HNRNPL: variants seen among roughly 807,000 people sequenced by gnomAD.
The protein encoded by HNRNPL is epididymis secretory sperm binding protein.
HNRNPL carries 12 observed loss-of-function variants against 64.0 expected under a neutral mutation model. The observed-to-expected ratio is 0.19, with a 90% CI of 0.12 to 0.30. The LOEUF (loss-of-function observed/expected upper bound fraction) is 0.30, where lower values mean the gene tolerates loss of function less well. HNRNPL is among the 10% of genes least tolerant of loss of function. The pLI, the probability that HNRNPL is intolerant of heterozygous loss-of-function variation, is 1.00. For missense variants in HNRNPL, 484 were observed against 797.4 expected, an observed-to-expected ratio of 0.61 and a Z score of 4.73; for synonymous variants, 385 against 313.0, an observed-to-expected ratio of 1.23 and a Z score of -2.43.
At chr19:38,850,161 C>T (rs1219526629), upstream of HNRNPL, 2 of 430,784 alleles carry the variant, frequency 4.6e-6, no homozygotes, top group South Asian at 6.3e-5. Flanking sequence ...TGAGACACTC[C>T]TTATAGGTGG....
chr19:38,844,873 G>A (rs1236297176), intron 4 of HNRNPL: 2 of 152,024 alleles, frequency 1.3e-5, no homozygotes, highest in East Asian at 1.9e-4. Flanking sequence ...CACCATGCCT[G>A]GCTATTTTTT....
At chr19:38,839,373 C>G (rs561754568) in intron 8 of HNRNPL, 2 of 251,488 alleles carry the variant, frequency 8.0e-6, no homozygotes, top group Non-Finnish European at 1.6e-5. Context: ...TAAAATACTC[C>G]TTCAGCTGGG....
chr19:38,843,728 A>G (rs1972190475), intron 6 of HNRNPL, 114 bp downstream of exon 6: 1 of 866,802 alleles, frequency 1.2e-6, no homozygotes, highest in Non-Finnish European at 1.9e-6. Context: ...AGGCCCTCCC[A>G]TGTCCATGGG....
At position 38,849,899 on chromosome 19, in the gene HNRNPL, T is replaced by A. The variant is rs562142379; in HGVS notation, c.68A>T (p.Asp23Val). The A allele has an allele frequency of 9.9e-5, 125 of 1,266,116 alleles. No homozygotes were observed. The highest frequency in any genetic ancestry group is 1.3e-4 in the Non-Finnish European group (118 of 905,358). The allele number at this position is 1,266,116 out of a possible 1,614,324, so 78.4% of individuals were successfully genotyped here. A position where few individuals can be genotyped will look rare whatever the true frequency, so the allele number is the denominator to read the frequency against. The change falls in exon 1 of 13, where the codon GAC (aspartate) becomes GTC (valine). Residue 23 changes from aspartate (D) to valine (V), a missense_variant. Transcript: ENST00000221419. ...RRRLEQRQQPDEQRRRSGAMV... is the reference protein window; with the variant it reads ...RRRLEQRQQPVEQRRRSGAMV... ...CGCTCCCGACCGCCTCCGCTGCTCG[T>A]CCGGCTGCTGCCTCTGCTCCAGCCG... is the stretch of plus-strand genomic sequence containing the variant.
At chr19:38,843,469 G>C (rs1972181878) in intron 6 of HNRNPL, 1 of 264,640 alleles carries the variant, frequency 3.8e-6, no homozygotes, top group South Asian at 4.9e-5. Flanking sequence ...CAACAGCGCA[G>C]AACAAGAGGA....
intron 1 of HNRNPL, among the ~76,000 whole-genome samples, chr19:38,848,686 C>G (rs1399354306): frequency 6.6e-6 from 1 of 152,226 alleles, no homozygotes; most frequent in Non-Finnish European, 1.5e-5. Context: ...GTTCTAACTC[C>G]AGCCCTGCCC....
At position 38,836,767 on chromosome 19, in the gene HNRNPL, A is replaced by C; in HGVS notation, c.1725T>G (p.Pro575=). ...TGGAGAAACACAACTTCAGAGTGTA[A>C]GGGTATGGACCATCTGCAAAGGAGA... ...YQMKNPNGPY[P]YTLKLCFSTA... The change falls in exon 13 of 13, where the codon CCT becomes CCG. Residue 575 remains proline, a synonymous_variant. Coordinates refer to ENST00000221419, the MANE Select transcript of HNRNPL (RefSeq NM_001533.3). The C allele has an allele frequency of 6.2e-7, 1 of 1,613,170 alleles. No homozygotes were observed. The highest frequency in any genetic ancestry group is 2.2e-5 in the East Asian group (1 of 44,840).
intron 4 of HNRNPL, 64 bp downstream of exon 4, chr19:38,845,586 G>T (rs893825915): frequency 3.1e-6 from 4 of 1,305,556 alleles, no homozygotes; most frequent in South Asian, 1.2e-5. Context: ...CTCAAAGAAT[G>T]GCCACTGTCA....
chr19:38,848,613 A>T (rs935947706), intron 1 of HNRNPL, among the ~76,000 whole-genome samples: 2 of 152,148 alleles, frequency 1.3e-5, no homozygotes, highest in Admixed American at 1.3e-4. Flanking sequence ...CTATTTCAGG[A>T]GCGATCCACG....
rs761300230 is a variant in HNRNPL at position 38,837,371 on chromosome 19, C to T, written c.1711+13G>A. 15 of 1,606,492 alleles carry T rather than the reference C, an allele frequency of 9.3e-6. No individual in the cohort carries two copies. The Admixed American group carries it at 1.0e-4, about 11-fold the overall frequency. ...TCACCAGGTTGATGCCTGCAGGACA[C>T]ACAGATACTCACTTGGGTTTTTCAT... is the stretch of plus-strand genomic sequence containing the variant. On this transcript the variant is annotated intron_variant, in intron 12 of 12. Transcript: ENST00000221419.
At chr19:38,852,076 A>T (rs1438025468), upstream of HNRNPL, among the ~76,000 whole-genome samples, 3 of 122,730 alleles carry the variant, frequency 2.4e-5, no homozygotes, top group African/African-American at 6.3e-5. Context: ...GCCGGCCCGG[A>T]CGCCCCTCGC....
At chr19:38,849,428 C>T (rs918102845) in intron 1 of HNRNPL, 11 of 386,452 alleles carry the variant, frequency 2.8e-5, no homozygotes, top group Admixed American at 1.8e-4. Flanking sequence ...CCCCCACACG[C>T]CAGCCCGCGG....
intron 1 of HNRNPL, chr19:38,849,390 A>C: frequency 3.2e-6 from 1 of 313,724 alleles, no homozygotes; most frequent in Non-Finnish European, 5.8e-6. Flanking sequence ...GATAAAGGGG[A>C]AAAAAACCGG....
At position 38,845,976 on chromosome 19, in the gene HNRNPL, G is replaced by C; in HGVS notation, c.501C>G (p.His167Gln). 1.2e-6 allele frequency: 2 copies of C among 1,614,136 alleles called. No homozygotes were observed. The highest frequency in any genetic ancestry group is 1.7e-6 in the Non-Finnish European group (2 of 1,179,990). The change falls in exon 3 of 13, where the codon CAC becomes CAG. Residue 167 changes from histidine (H) to glutamine (Q), a missense_variant. This residue lies in a region of HNRNPL where 18 missense variants were observed against 19.0 expected (regional missense o/e 0.95). Transcript: ENST00000221419. The stretch of plus-strand genomic sequence containing the variant: ...TGGTAGAGTAGTTGACAAAAGCTGG[G>C]TGACCAGCAATGTATATTTGGTTGT... ...AADNQIYIAGHPAFVNYSTSQ... is the reference protein window; with the variant it reads ...AADNQIYIAGQPAFVNYSTSQ...
chr19:38,849,582 A>G (rs915213159), intron 1 of HNRNPL, 118 bp downstream of exon 1: 2 of 1,240,112 alleles, frequency 1.6e-6, no homozygotes, highest in Non-Finnish European at 2.0e-6. Context: ...CCACACCGTC[A>G]ACGACGCGAT....
intron 2 of HNRNPL, 78 bp downstream of exon 2, chr19:38,847,238 C>CA: frequency 1.5e-6 from 1 of 662,578 alleles, no homozygotes; most frequent in South Asian, 3.5e-5. Context: ...TCACTATTTC[C>CA]AACCAGAAAT....
chr19:38,852,242 G>C (rs1447988720), upstream of HNRNPL: 3 of 147,906 alleles, frequency 2.0e-5, no homozygotes, highest in African/African-American at 7.4e-5. Flanking sequence ...CGCGCGCGGC[G>C]CCGCCCGCCA....
At chr19:38,848,264 TG>T (rs1972369369) in intron 1 of HNRNPL, among the ~76,000 whole-genome samples, 1 of 152,124 alleles carries the variant, frequency 6.6e-6, no homozygotes, top group African/African-American at 2.4e-5. Context: ...CTAATTTTTT[TG>T]TATTTTTAGT....
chr19:38,850,619 C>G (rs1340001093), upstream of HNRNPL, among the ~76,000 whole-genome samples: 1 of 152,236 alleles, frequency 6.6e-6, no homozygotes, highest in Non-Finnish European at 1.5e-5. Context: ...CGCAAATACG[C>G]TTTCAGGCAC....
Sources: gnomAD v4.1 joint callset for allele counts (sites outside exome capture counted in the v4.1 genomes callset) on GRCh38, gnomAD v4.1.1 for gene constraint, gnomAD v4.1.1 regional missense constraint, MANE v1.5 for transcripts, NCBI Gene and HGNC (gene_info 2026-07-23, HGNC 2026-07-21) for gene names.